KCNC2: variants seen among roughly 807,000 people sequenced by gnomAD.
The protein encoded by KCNC2 is potassium voltage-gated channel subfamily C member 2.
KCNC2 carries 21 observed loss-of-function variants against 44.5 expected under a neutral mutation model. The observed-to-expected ratio is 0.47, with a 90% CI of 0.33 to 0.68. The LOEUF is 0.68. Among genes scored for constraint, KCNC2 ranks in the 30% least tolerant of loss-of-function variants. KCNC2 has a pLI of 0.01. For synonymous variants in KCNC2, 391 were observed against 339.1 expected (o/e 1.15, Z -1.68); for missense variants, 589 against 826.2 (o/e 0.71, Z 3.52).
At chr12:75,047,282 G>A (rs1433871246) in intron 4 of KCNC2, among the ~76,000 whole-genome samples, 1 of 151,928 alleles carries the variant, frequency 6.6e-6, no homozygotes, top group Admixed American at 6.6e-5. Flanking sequence ...GGGAGGAAAA[G>A]ATCCCAATTG....
At position 75,050,533 on chromosome 12, in the gene KCNC2, C is replaced by T; in HGVS notation, c.1472G>A (p.Arg491Lys). 6.2e-7 allele frequency: 1 copy of T among 1,613,574 alleles called. No homozygotes were observed. The highest frequency in any genetic ancestry group is 8.5e-7 in the Non-Finnish European group (1 of 1,179,792). The change falls in exon 3 of 5, where the codon AGG becomes AAG. Residue 491 changes from arginine (R) to lysine (K), a missense_variant. Arg to Lys is a conservative substitution (Grantham distance 26). Coordinates refer to ENST00000549446, the MANE Select transcript of KCNC2 (RefSeq NM_139137.4). ...SLAMAKQKLP[R>K]KRKKHIPPAP... ...AGGAGGGATGTGCTTCTTTCTTTTC[C>T]TTGGAAGTTTCTGCTTTGCCATTGC...
At chr12:75,187,542 G>T (rs560996236) in intron 2 of KCNC2, among the ~76,000 whole-genome samples, 1 of 152,142 alleles carries the variant, frequency 6.6e-6, no homozygotes. Context: ...TTACAGTAGC[G>T]CAGGCTGGCA....
chr12:75,057,561 A>G (rs1476047488), intron 2 of KCNC2, among the ~76,000 whole-genome samples: 1 of 152,024 alleles, frequency 6.6e-6, no homozygotes. Context: ...TGGCATTTCA[A>G]TGAAACCACT....
rs75636258 is a variant in KCNC2, at chr12:75,103,067, G to T, written c.688-51750C>A. Reference sequence around the variant, plus strand: ...GTTAAGAGTAGATATTTGGAATGATGAAGACAATTTCCAGTTTTCTCTAAG... The same window carrying T: ...GTTAAGAGTAGATATTTGGAATGATTAAGACAATTTCCAGTTTTCTCTAAG... On this transcript the variant is annotated intron_variant, in intron 2 of 4. Transcript: ENST00000549446. 8.5e-3 allele frequency among the ~76,000 whole-genome samples: 1,287 copies of T among 152,208 alleles called. 25 individuals carry two copies. The highest frequency in any genetic ancestry group is 0.029 in the African/African-American group (1,225 of 41,532).
intron 2 of KCNC2, among the ~76,000 whole-genome samples, chr12:75,123,127 T>C (rs1045975701): frequency 3.9e-5 from 6 of 152,140 alleles, no homozygotes; most frequent in Non-Finnish European, 5.9e-5. Flanking sequence ...AAGATGATTT[T>C]TCTCTAATTT....
intron 2 of KCNC2, among the ~76,000 whole-genome samples, chr12:75,131,806 C>T (rs1314876572): frequency 2.0e-5 from 3 of 152,094 alleles, no homozygotes; most frequent in Non-Finnish European, 2.9e-5. Flanking sequence ...ATGAGCTTCA[C>T]GGTAGAATCT....
At chr12:75,170,794 CA>C (rs762619475) in intron 2 of KCNC2, among the ~76,000 whole-genome samples, 5 of 151,634 alleles carry the variant, frequency 3.3e-5, no homozygotes, top group Admixed American at 3.3e-4. Flanking sequence ...GGGCAACACC[CA>C]ATAGTTATCT....
chr12:75,110,297 A>G (rs575852311), intron 2 of KCNC2, among the ~76,000 whole-genome samples: 1 of 152,290 alleles, frequency 6.6e-6, no homozygotes, highest in South Asian at 2.1e-4. Flanking sequence ...AAGCATCTAT[A>G]CAAAGTAGGT....
At chr12:75,053,252 G>A (rs1397633306) in intron 2 of KCNC2, among the ~76,000 whole-genome samples, 2 of 85,046 alleles carry the variant, frequency 2.4e-5, no homozygotes, top group Non-Finnish European at 4.8e-5. Context: ...CTGCCAATAT[G>A]TACCTACTAA....
intron 2 of KCNC2, chr12:75,124,230 C>T (rs1356050533): frequency 6.6e-6 from 1 of 152,176 alleles, no homozygotes; most frequent in Non-Finnish European, 1.5e-5. Context: ...GATTTGTTCA[C>T]CCCTAAACAC....
At chr12:75,111,364 G>A (rs567153649) in intron 2 of KCNC2, among the ~76,000 whole-genome samples, 75 of 152,056 alleles carry the variant, frequency 4.9e-4, no homozygotes, top group Admixed American at 3.7e-3. Flanking sequence ...TCTATTGCGT[G>A]AACCCATTGC....
chr12:75,204,587 C>T (rs375018165), intron 2 of KCNC2, among the ~76,000 whole-genome samples: 2 of 152,134 alleles, frequency 1.3e-5, no homozygotes, highest in East Asian at 3.9e-4. Context: ...AGTTTAAATA[C>T]TTCTATTAAG....
chr12:75,094,037 C>T (rs1036414381), intron 2 of KCNC2, among the ~76,000 whole-genome samples: 1 of 151,606 alleles, frequency 6.6e-6, no homozygotes, highest in Non-Finnish European at 1.5e-5. Context: ...GCTAACTTTC[C>T]ACTTAACTAA....
chr12:75,078,224 T>C (rs1884170197), intron 2 of KCNC2, among the ~76,000 whole-genome samples: 1 of 152,022 alleles, frequency 6.6e-6, no homozygotes, highest in African/African-American at 2.4e-5. Flanking sequence ...AAAAATGCTG[T>C]GTGTGTTTCT....
intron 2 of KCNC2, among the ~76,000 whole-genome samples, chr12:75,084,990 A>G (rs1486749667): frequency 6.7e-6 from 1 of 149,430 alleles, no homozygotes; most frequent in Non-Finnish European, 1.5e-5. Flanking sequence ...AAAAATGCAA[A>G]TCAGTAAAGG....
intron 2 of KCNC2, among the ~76,000 whole-genome samples, chr12:75,203,173 T>C (rs148683958): frequency 1.6e-4 from 24 of 151,922 alleles, no homozygotes; most frequent in South Asian, 1.2e-3. Flanking sequence ...TCCTATACCT[T>C]ATTATAATTT....
At chr12:75,056,152 C>T (rs1193715291) in intron 2 of KCNC2, among the ~76,000 whole-genome samples, 5 of 151,856 alleles carry the variant, frequency 3.3e-5, no homozygotes, top group Admixed American at 2.0e-4. Context: ...GGTCTTCAGC[C>T]CCTGTTGTGA....
chr12:75,126,610 A>G (rs1217146904), intron 2 of KCNC2, among the ~76,000 whole-genome samples: 1 of 152,138 alleles, frequency 6.6e-6, no homozygotes, highest in Non-Finnish European at 1.5e-5. Flanking sequence ...TAAAGAAGGT[A>G]GAAATAGCAT....
At chr12:75,187,139 A>ACTTT (rs1893008897) in intron 2 of KCNC2, among the ~76,000 whole-genome samples, 1 of 152,230 alleles carries the variant, frequency 6.6e-6, no homozygotes, top group Non-Finnish European at 1.5e-5. Flanking sequence ...TTGGAAGATA[A>ACTTT]GCACTTTCCC....
Sources: gnomAD v4.1 joint callset for allele counts (sites outside exome capture counted in the v4.1 genomes callset) on GRCh38, gnomAD v4.1.1 for gene constraint, MANE v1.5 for transcripts, NCBI Gene and HGNC (gene_info 2026-07-23, HGNC 2026-07-21) for gene names.